MAD1L1: variants seen among roughly 807,000 people sequenced by gnomAD.
MAD1L1 encodes the protein mitotic spindle assembly checkpoint protein MAD1.
A neutral mutation model predicts 96.9 loss-of-function variants in MAD1L1; 95 were observed. That is an observed-to-expected ratio of 0.98 (90% CI 0.83 to 1.16). The LOEUF is 1.16. Among genes scored for constraint, MAD1L1 ranks in the 50% most tolerant of loss-of-function variants. The pLI is 0.00. For synonymous variants in MAD1L1, 473 were observed against 396.6 expected (o/e 1.19, Z -2.29); for missense variants, 1,007 against 954.4 (o/e 1.06, Z -0.73).
chr7:1,893,546 CA>C (rs1418111196), intron 18 of MAD1L1, among the ~76,000 whole-genome samples: 1 of 152,128 alleles, frequency 6.6e-6, no homozygotes. Flanking sequence ...GTGGGTGGGG[CA>C]GGGGGCCTGT....
chr7:1,855,476 G>C (rs1369085193), intron 18 of MAD1L1, among the ~76,000 whole-genome samples: 1 of 152,028 alleles, frequency 6.6e-6, no homozygotes, highest in Non-Finnish European at 1.5e-5. Flanking sequence ...GCCTGGCCTG[G>C]AAAGAGCTGT....
intron 15 of MAD1L1, among the ~76,000 whole-genome samples, chr7:1,972,044 G>A (rs767621401): frequency 9.9e-5 from 15 of 152,252 alleles, no homozygotes; most frequent in African/African-American, 2.6e-4. Context: ...TATCAAAAAC[G>A]GGACAACTAA....
intron 15 of MAD1L1, among the ~76,000 whole-genome samples, chr7:1,977,025 C>T (rs138591493): frequency 0.015 from 2,287 of 152,378 alleles, 46 homozygotes; most frequent in African/African-American, 0.052. Flanking sequence ...AAGTCCCCAC[C>T]GGACTCAGGA....
intron 16 of MAD1L1, among the ~76,000 whole-genome samples, chr7:1,945,827 C>A (rs374646860): frequency 6.6e-6 from 1 of 152,128 alleles, no homozygotes; most frequent in Non-Finnish European, 1.5e-5. Flanking sequence ...CAGAGGGTGG[C>A]CTGAGAAGTC....
At position 1,824,957 on chromosome 7, in the gene MAD1L1, G is replaced by A. The variant is rs1446486350; in HGVS notation, c.1999-8729C>T. On this transcript the variant is annotated intron_variant, in intron 18 of 18. Transcript: ENST00000265854. Reference sequence around the variant, plus strand: ...ACCCTTCAAGTTCACACTGCAGCACGACACACACTCTCACACCCACACTCA... The same window carrying A: ...ACCCTTCAAGTTCACACTGCAGCACAACACACACTCTCACACCCACACTCA... Among the ~76,000 whole-genome samples the A allele has an allele frequency of 3.4e-4, 51 of 151,748 alleles. 1 individual carries two copies. Among genetic ancestry groups the A allele is most frequent in the Admixed American group, 3.1e-3 (47 of 15,242 alleles).
In MAD1L1 at chr7:1,898,283, A is replaced by G; in HGVS notation, c.1915T>C (p.Tyr639His). ...FRKACYTLTG[Y>H]QIDITTENQY... ...TTCTCCGTGGTGATGTCGATCTGGT[A>G]GCCGGTGAGCGTGTAGCAGGCCTTG... Residue 639 changes from tyrosine to histidine, a missense_variant, in exon 18 of 19, where the codon TAC (tyrosine) becomes CAC (histidine). Transcript: ENST00000265854. 1 of 1,614,138 alleles carries G rather than the reference A, an allele frequency of 6.2e-7. No homozygotes were observed. Among genetic ancestry groups the G allele is most frequent in the Non-Finnish European group, 8.5e-7 (1 of 1,180,026 alleles).
chr7:1,909,198 AAG>A (rs1280848479), intron 17 of MAD1L1, among the ~76,000 whole-genome samples: 3 of 152,130 alleles, frequency 2.0e-5, no homozygotes, highest in African/African-American at 7.2e-5. Flanking sequence ...AGAGACGACC[AAG>A]GATCCCCTGC....
intron 13 of MAD1L1, among the ~76,000 whole-genome samples, chr7:2,013,853 C>T (rs1782411860): frequency 6.6e-6 from 1 of 152,234 alleles, no homozygotes; most frequent in South Asian, 2.1e-4. Context: ...ATACCCAGCT[C>T]CTTCTTCCCA....
At chr7:2,140,612 C>G (rs1012949503) in intron 11 of MAD1L1, among the ~76,000 whole-genome samples, 1 of 152,232 alleles carries the variant, frequency 6.6e-6, no homozygotes, top group East Asian at 1.9e-4. Context: ...GGGTGGGAGC[C>G]GGCCCCGCAT....
intron 11 of MAD1L1, among the ~76,000 whole-genome samples, chr7:2,092,458 A>G (rs1395185672): frequency 6.6e-6 from 1 of 151,924 alleles, no homozygotes; most frequent in African/African-American, 2.4e-5. Flanking sequence ...CCCTCTGGAT[A>G]TCGGTTGACT....
intron 17 of MAD1L1, among the ~76,000 whole-genome samples, chr7:1,932,756 G>A (rs137859713): frequency 1.3e-5 from 2 of 152,362 alleles, no homozygotes; most frequent in African/African-American, 2.4e-5. Flanking sequence ...CCTTCCTTCA[G>A]GGAGACGTCC....
At chr7:1,851,164 C>T (rs1783954258) in intron 18 of MAD1L1, among the ~76,000 whole-genome samples, 1 of 152,222 alleles carries the variant, frequency 6.6e-6, no homozygotes, top group Non-Finnish European at 1.5e-5. Flanking sequence ...ATGGCGGCAA[C>T]CCTGTGGGGT....
At chr7:1,918,258 G>C (rs966210957) in intron 17 of MAD1L1, among the ~76,000 whole-genome samples, 1 of 152,206 alleles carries the variant, frequency 6.6e-6, no homozygotes, top group Non-Finnish European at 1.5e-5. Flanking sequence ...CCCTGCTGCA[G>C]TGAGGCCCAC....
chr7:2,148,506 G>A (rs1031209430), intron 11 of MAD1L1: 1 of 152,334 alleles, frequency 6.6e-6, no homozygotes, highest in African/African-American at 2.4e-5. Context: ...GCTGGCAGTG[G>A]GGGTCCTAGG....
At chr7:1,951,482 C>T (rs1779493792) in intron 16 of MAD1L1, among the ~76,000 whole-genome samples, 1 of 152,214 alleles carries the variant, frequency 6.6e-6, no homozygotes. Context: ...TGCACAGCTC[C>T]CTGGCATTCA....
At chr7:2,081,135 T>G (rs1208235801) in intron 11 of MAD1L1, among the ~76,000 whole-genome samples, 3 of 132,316 alleles carry the variant, frequency 2.3e-5, no homozygotes, top group Admixed American at 7.9e-5. Context: ...TGACGCAGGG[T>G]GGGAATGGCA....
In MAD1L1 at chr7:2,189,279, T is replaced by A. The variant is rs187952788; in HGVS notation, c.986+23933A>T. ...GCAATGTAGTGGCTCCTAAAATAGT[T>A]AAAAGTTGAACCACAGGATCCAGCA... On this transcript the variant is annotated intron_variant, in intron 10 of 18. Transcript: ENST00000265854. 2.8e-3 allele frequency among the ~76,000 whole-genome samples: 430 copies of A among 152,232 alleles called. 1 individual carries two copies. Among genetic ancestry groups the A allele is most frequent in the African/African-American group, 9.6e-3 (399 of 41,540 alleles).
At chr7:2,080,031 T>G in intron 11 of MAD1L1, 1 of 295,402 alleles carries the variant, frequency 3.4e-6, no homozygotes, top group Admixed American at 4.9e-5. Context: ...CTGTCAGCGC[T>G]GGCTGCCTGC....
At chr7:2,080,679 C>G (rs182558210) in intron 11 of MAD1L1, among the ~76,000 whole-genome samples, 54 of 152,320 alleles carry the variant, frequency 3.5e-4, no homozygotes, top group African/African-American at 1.3e-3. Flanking sequence ...TGGAAACTCC[C>G]GGGTCGCAGA....
Sources: gnomAD v4.1 joint callset for allele counts (sites outside exome capture counted in the v4.1 genomes callset) on GRCh38, gnomAD v4.1.1 for gene constraint, MANE v1.5 for transcripts, NCBI Gene and HGNC (gene_info 2026-07-23, HGNC 2026-07-21) for gene names.